Variants in MCPH1 observed in about 807,000 individuals in gnomAD.
MCPH1 encodes the protein microcephalin.
In MCPH1, 104 loss-of-function variants were observed where a neutral mutation model predicts 84.5. The observed-to-expected ratio is 1.23, with a 90% confidence interval of 1.05 to 1.45. MCPH1 has a LOEUF of 1.45. Ranked by LOEUF, MCPH1 falls within the 40% of genes most tolerant of loss-of-function variation. The pLI is 0.00. For synonymous variants in MCPH1, 514 were observed against 366.8 expected, an observed-to-expected ratio of 1.40 and a Z score of -4.58; for missense variants, 1,498 against 1,005.7, an observed-to-expected ratio of 1.49 and a Z score of -6.62.
At chr8:6,530,931 T>C (rs1819385379) in intron 12 of MCPH1, among the ~76,000 whole-genome samples, 1 of 152,254 alleles carries the variant, frequency 6.6e-6, no homozygotes, top group African/African-American at 2.4e-5. Context: ...CTAGCATTTC[T>C]TGATCCTTTT....
intron 5 of MCPH1, among the ~76,000 whole-genome samples, chr8:6,438,045 C>T (rs571835945): frequency 2.0e-5 from 3 of 152,312 alleles, no homozygotes; most frequent in South Asian, 4.1e-4. Context: ...AACATATCCT[C>T]CAATTTACTA....
At chr8:6,488,394 C>T (rs2129560725) in intron 11 of MCPH1, among the ~76,000 whole-genome samples, 1 of 152,306 alleles carries the variant, frequency 6.6e-6, no homozygotes, top group Non-Finnish European at 1.5e-5. Context: ...GTGGAGAAAC[C>T]TGTGAGTGCT....
At chr8:6,467,256 G>T (rs945133343) in intron 9 of MCPH1, among the ~76,000 whole-genome samples, 1 of 152,244 alleles carries the variant, frequency 6.6e-6, no homozygotes, top group African/African-American at 2.4e-5. Context: ...GACTGGAGCA[G>T]CTTGGTATGA....
chr8:6,536,684 T>G (rs1297224059), intron 12 of MCPH1, among the ~76,000 whole-genome samples: 1 of 152,126 alleles, frequency 6.6e-6, no homozygotes, highest in Non-Finnish European at 1.5e-5. Flanking sequence ...CATTTCCAAA[T>G]AAAGATGTCC....
At chr8:6,639,381 G>C (rs1404505378) in intron 13 of MCPH1, among the ~76,000 whole-genome samples, 3 of 152,030 alleles carry the variant, frequency 2.0e-5, no homozygotes, top group African/African-American at 4.8e-5. Flanking sequence ...ACATATTATG[G>C]TCAGGTCCAG....
chr8:6,636,197 G>A (rs922771210), intron 13 of MCPH1, among the ~76,000 whole-genome samples: 3 of 152,190 alleles, frequency 2.0e-5, no homozygotes, highest in Admixed American at 6.5e-5. Flanking sequence ...AAAATTAGCC[G>A]GGCGTGATGG....
intron 13 of MCPH1, among the ~76,000 whole-genome samples, chr8:6,636,403 T>G (rs1348524924): frequency 6.6e-6 from 1 of 151,374 alleles, no homozygotes; most frequent in Non-Finnish European, 1.5e-5. Flanking sequence ...ATTGTCCACA[T>G]GGGGGTGAGG....
At chr8:6,427,795 GTTT>G (rs57041436) in intron 3 of MCPH1, among the ~76,000 whole-genome samples, 95,917 of 144,554 alleles carry the variant, frequency 0.66, 35,519 homozygotes, top group Non-Finnish European at 0.82. Flanking sequence ...TTATTATACT[GTTT>G]TTTTTTTTTT....
At chr8:6,496,404 C>A (rs898948748) in intron 11 of MCPH1, among the ~76,000 whole-genome samples, 1 of 152,206 alleles carries the variant, frequency 6.6e-6, no homozygotes, top group Non-Finnish European at 1.5e-5. Context: ...CCACTCACCT[C>A]CTGCTGTGTG....
intron 12 of MCPH1, among the ~76,000 whole-genome samples, chr8:6,586,347 A>AT (rs1827978729): frequency 1.8e-4 from 28 of 152,194 alleles, no homozygotes; most frequent in Admixed American, 1.8e-3. Flanking sequence ...CTAGTCTTGC[A>AT]TAGACAAAAT....
intron 13 of MCPH1, among the ~76,000 whole-genome samples, chr8:6,632,095 A>G (rs946740279): frequency 6.6e-6 from 1 of 152,254 alleles, no homozygotes; most frequent in Non-Finnish European, 1.5e-5. Flanking sequence ...AAGGACAAAT[A>G]TCATACGACT....
chr8:6,582,743 T>C (rs753438865), intron 12 of MCPH1, among the ~76,000 whole-genome samples: 8 of 152,178 alleles, frequency 5.3e-5, no homozygotes, highest in Non-Finnish European at 1.2e-4. Flanking sequence ...TATGGCTCTT[T>C]CCAGCCTTTT....
chr8:6,431,703 TTGA>T (rs1801867408), intron 4 of MCPH1, 117 bp downstream of exon 4: 1 of 679,722 alleles, frequency 1.5e-6, no homozygotes, highest in Non-Finnish European at 2.5e-6. Flanking sequence ...AAATATGCTA[TTGA>T]TGATATTGTT....
At chr8:6,426,491 G>T (rs543383129) in intron 3 of MCPH1, among the ~76,000 whole-genome samples, 1 of 152,200 alleles carries the variant, frequency 6.6e-6, no homozygotes, top group Non-Finnish European at 1.5e-5. Context: ...ATGTTTTTGC[G>T]ATCTGTCCGT....
chr8:6,544,694 A>C (rs13253091), intron 12 of MCPH1, among the ~76,000 whole-genome samples: 1 of 152,204 alleles, frequency 6.6e-6, no homozygotes, highest in African/African-American at 2.4e-5. Flanking sequence ...AGTAATTTTT[A>C]CAGAAAATGG....
chr8:6,477,514 T>G (rs1808630640), intron 9 of MCPH1, 80 bp from the exon 10 acceptor site: 3 of 1,311,730 alleles, frequency 2.3e-6, no homozygotes, highest in African/African-American at 1.5e-5. Flanking sequence ...TTCAAAAAAC[T>G]TATTACAGTT....
At chr8:6,475,601 A>T (rs1329034475) in intron 9 of MCPH1, among the ~76,000 whole-genome samples, 4 of 152,204 alleles carry the variant, frequency 2.6e-5, no homozygotes, top group Admixed American at 2.0e-4. Context: ...GATCCTAGAG[A>T]GGGAGGGCGC....
intron 8 of MCPH1, among the ~76,000 whole-genome samples, chr8:6,449,479 C>T (rs1346968228): frequency 6.6e-6 from 1 of 151,872 alleles, no homozygotes; most frequent in Non-Finnish European, 1.5e-5. Flanking sequence ...ACTAAAATTA[C>T]AAAATTAGCC....
intron 12 of MCPH1, among the ~76,000 whole-genome samples, chr8:6,601,789 C>G (rs1829395749): frequency 6.6e-6 from 1 of 151,616 alleles, no homozygotes; most frequent in Non-Finnish European, 1.5e-5. Context: ...ACCACATATA[C>G]CCACACCACA....
Sources: gnomAD v4.1 joint callset for allele counts (sites outside exome capture counted in the v4.1 genomes callset) on GRCh38, gnomAD v4.1.1 for gene constraint, MANE v1.5 for transcripts, NCBI Gene and HGNC (gene_info 2026-07-23, HGNC 2026-07-21) for gene names.